The following JAM2 variants were observed in gnomAD, a reference collection of about 807,000 sequenced individuals.
The protein encoded by JAM2 is junctional adhesion molecule B.
In JAM2, 17 loss-of-function variants were observed where a neutral mutation model predicts 42.0. That is an observed-to-expected ratio of 0.40 (90% CI 0.28 to 0.61). JAM2 has a LOEUF of 0.61. JAM2 is among the 20% of genes least tolerant of loss of function. JAM2 has a pLI of 0.37. For synonymous variants in JAM2, 118 were observed against 128.6 expected (o/e 0.92, Z 0.56); for missense variants, 319 against 358.3 (o/e 0.89, Z 0.89).
intron 3 of JAM2, among the ~76,000 whole-genome samples, chr21:25,690,271 C>CTTCT (rs781060826): frequency 3.3e-5 from 5 of 151,824 alleles, no homozygotes; most frequent in South Asian, 2.1e-4. Flanking sequence ...CTTCCTTTCT[C>CTTCT]TTCTTTCTTT....
At chr21:25,663,417 G>A (rs1347167222) in intron 1 of JAM2, among the ~76,000 whole-genome samples, 7 of 152,134 alleles carry the variant, frequency 4.6e-5, no homozygotes, top group Non-Finnish European at 7.4e-5. Context: ...AAGGAAGAGG[G>A]TTGCTATGGT....
chr21:25,669,654 T>C (rs541584741), intron 1 of JAM2, among the ~76,000 whole-genome samples: 1 of 152,340 alleles, frequency 6.6e-6, no homozygotes, highest in African/African-American at 2.4e-5. Flanking sequence ...AAGGCATTAC[T>C]AGCTTCATTT....
intron 7 of JAM2, 57 bp from the exon 8 acceptor site, chr21:25,709,377 A>C: frequency 1.1e-6 from 1 of 883,278 alleles, no homozygotes; most frequent in Non-Finnish European, 1.8e-6. Flanking sequence ...TTTTATATGA[A>C]TCTGTATCAT....
intron 1 of JAM2, among the ~76,000 whole-genome samples, chr21:25,682,812 G>A (rs578118789): frequency 5.3e-5 from 8 of 152,064 alleles, no homozygotes; most frequent in Non-Finnish European, 1.0e-4. Flanking sequence ...AAGAAGGGAT[G>A]GAGTGGGAAG....
chr21:25,653,196 T>C (rs1291209434), intron 1 of JAM2, among the ~76,000 whole-genome samples: 10 of 152,126 alleles, frequency 6.6e-5, no homozygotes, highest in Admixed American at 6.5e-4. Context: ...AATCATACAA[T>C]AATAAATGAG....
chr21:25,687,961 T>G (rs1400032935), intron 2 of JAM2, among the ~76,000 whole-genome samples: 1 of 152,246 alleles, frequency 6.6e-6, no homozygotes, highest in Non-Finnish European at 1.5e-5. Flanking sequence ...GTTTCTTGTT[T>G]ATCTGACTTC....
chr21:25,700,543 T>C (rs1568916382), intron 5 of JAM2, among the ~76,000 whole-genome samples: 1 of 152,162 alleles, frequency 6.6e-6, no homozygotes, highest in Non-Finnish European at 1.5e-5. Context: ...GTATTTTTAG[T>C]AGAGACGGGG....
At chr21:25,644,643 C>A (rs932075179) in intron 1 of JAM2, among the ~76,000 whole-genome samples, 2 of 152,190 alleles carry the variant, frequency 1.3e-5, no homozygotes, top group Non-Finnish European at 2.9e-5. Flanking sequence ...AACTGCAATT[C>A]CTATTTACCA....
At chr21:25,681,826 C>G (rs527641536) in intron 1 of JAM2, among the ~76,000 whole-genome samples, 1 of 151,950 alleles carries the variant, frequency 6.6e-6, no homozygotes, top group Non-Finnish European at 1.5e-5. Context: ...ACTAAAAATA[C>G]AAAAAATTAG....
intron 3 of JAM2, among the ~76,000 whole-genome samples, chr21:25,691,727 A>G (rs1457045274): frequency 6.6e-6 from 1 of 152,134 alleles, no homozygotes; most frequent in African/African-American, 2.4e-5. Flanking sequence ...TTTGAGCTCA[A>G]TTCTTTAAAA....
rs1437278121 is a variant in JAM2 at position 25,716,433 on chromosome 21, C to T, written c.*1761C>T. ...GACACCAGGCCACCGGGAAGATGCT[C>T]CCCCTTTGACTTGTCTATGACATGC... is the stretch of plus-strand genomic sequence containing the variant. On this transcript the variant is annotated 3_prime_UTR_variant, in exon 10 of 10. Transcript: ENST00000480456. The T allele has an allele frequency of 6.6e-6, 1 of 152,220 alleles. No homozygotes were observed. The highest frequency in any genetic ancestry group is 1.5e-5 in the Non-Finnish European group (1 of 68,042). 9.4% of individuals were successfully genotyped at this position (152,220 alleles called of 1,614,324 possible).
chr21:25,708,567 AAAC>A (rs1483246014), intron 7 of JAM2, among the ~76,000 whole-genome samples: 1 of 152,138 alleles, frequency 6.6e-6, no homozygotes, highest in African/African-American at 2.4e-5. Context: ...GACACTGACC[AAAC>A]AAACAAACAA....
At chr21:25,695,635 G>C (rs1263528200) in intron 4 of JAM2, among the ~76,000 whole-genome samples, 2 of 150,808 alleles carry the variant, frequency 1.3e-5, no homozygotes, top group African/African-American at 4.9e-5. Context: ...ATGGGGCGGC[G>C]GCAGGGCGGA....
Position 25,714,690 on chromosome 21 carries a change from T to A in JAM2, c.*18T>A, listed in dbSNP as rs764658455. The A allele has an allele frequency of 6.7e-7, 1 of 1,481,870 alleles. No homozygotes were observed. The highest frequency in any genetic ancestry group is 9.0e-7 in the Non-Finnish European group (1 of 1,105,796). 91.8% of individuals were successfully genotyped at this position (1,481,870 alleles called of 1,614,324 possible). Reference sequence around the variant, plus strand: ...TAATTTAAAGACTCCACTTTAGAGATACACCAAAGCCACCGTTGTTACACA... The same window carrying A: ...TAATTTAAAGACTCCACTTTAGAGAAACACCAAAGCCACCGTTGTTACACA... On this transcript the variant is annotated 3_prime_UTR_variant, in exon 10 of 10. Coordinates refer to ENST00000480456, the MANE Select transcript of JAM2 (RefSeq NM_021219.4).
intron 1 of JAM2, among the ~76,000 whole-genome samples, chr21:25,664,351 T>G (rs1601007731): frequency 1.3e-5 from 2 of 152,194 alleles, no homozygotes; most frequent in East Asian, 3.8e-4. Flanking sequence ...TTGTCCTGCC[T>G]CAGCCTCCCG....
At chr21:25,691,703 G>A (rs1044778782) in intron 3 of JAM2, among the ~76,000 whole-genome samples, 7 of 152,112 alleles carry the variant, frequency 4.6e-5, no homozygotes, top group African/African-American at 1.7e-4. Context: ...ACTAGAAAGG[G>A]AATGAGGCAA....
intron 2 of JAM2, among the ~76,000 whole-genome samples, chr21:25,684,200 CA>C (rs1353595263): frequency 6.6e-6 from 1 of 152,194 alleles, no homozygotes; most frequent in African/African-American, 2.4e-5. Flanking sequence ...CTGCACAAAG[CA>C]AATCTAATTT....
intron 9 of JAM2, among the ~76,000 whole-genome samples, chr21:25,713,397 C>G (rs755240908): frequency 3.9e-5 from 6 of 152,064 alleles, no homozygotes; most frequent in Non-Finnish European, 8.8e-5. Context: ...GGATATTCAG[C>G]CTTCTGGATG....
Position 25,712,367 on chromosome 21 carries a change from G to A in JAM2, c.849G>A (p.Thr283=), listed in dbSNP as rs766397242. 48 of 1,594,212 alleles carry A rather than the reference G, an allele frequency of 3.0e-5. No individual in the cohort carries two copies. Among genetic ancestry groups the A allele is most frequent in the Non-Finnish European group, 3.9e-5 (45 of 1,162,978 alleles). ...FQKSNSSSKA[T]TMSENDFKHT... Reference sequence around the variant, plus strand: ...AGAGTAATTCTTCATCTAAAGCCACGACAATGAGTGAAAATGTGAGTATCT... The same window carrying A: ...AGAGTAATTCTTCATCTAAAGCCACAACAATGAGTGAAAATGTGAGTATCT... The change falls in exon 9 of 10, where the codon ACG becomes ACA. Residue 283 remains threonine (T), a synonymous_variant. Coordinates refer to ENST00000480456, the MANE Select transcript of JAM2 (RefSeq NM_021219.4).
Sources: gnomAD v4.1 joint callset for allele counts (sites outside exome capture counted in the v4.1 genomes callset) on GRCh38, gnomAD v4.1.1 for gene constraint, MANE v1.5 for transcripts, NCBI Gene and HGNC (gene_info 2026-07-23, HGNC 2026-07-21) for gene names.